The following ANKMY1 variants were observed in gnomAD, a reference collection of about 807,000 sequenced individuals.
The protein encoded by ANKMY1 is ankyrin repeat and MYND domain containing 1.
Under a neutral mutation model 102.0 loss-of-function variants are expected in ANKMY1, and 98 were observed. That is an observed-to-expected ratio of 0.96 (90% confidence interval 0.82 to 1.14). The LOEUF is 1.14. ANKMY1 is among the 50% of genes most tolerant of loss of function. ANKMY1 has a pLI of 0.00. For missense variants in ANKMY1, 1,330 were observed against 1,347.6 expected (o/e 0.99, Z 0.20); for synonymous variants, 582 against 559.9 (o/e 1.04, Z -0.56).
chr2:240,508,631 C>G (rs1443097199), intron 12 of ANKMY1, among the ~76,000 whole-genome samples: 1 of 152,198 alleles, frequency 6.6e-6, no homozygotes, highest in African/African-American at 2.4e-5. Flanking sequence ...TAGTTTATGG[C>G]CTGGCTCCTC....
chr2:240,482,410 T>C, intron 15 of ANKMY1, 149 bp from the exon 16 acceptor site: 1 of 666,274 alleles, frequency 1.5e-6, no homozygotes, highest in Non-Finnish European at 2.4e-6. Context: ...GGCTCCATAG[T>C]GGGTGCGAGG....
chr2:240,493,343 T>G (rs1426216761), intron 15 of ANKMY1, among the ~76,000 whole-genome samples: 1 of 152,174 alleles, frequency 6.6e-6, no homozygotes, highest in African/African-American at 2.4e-5. Flanking sequence ...AAAATTCTTT[T>G]TGGTTAAGAC....
chr2:240,526,973 T>G, intron 5 of ANKMY1: 1 of 1,026,456 alleles, frequency 9.7e-7, no homozygotes, highest in Non-Finnish European at 1.2e-6. Flanking sequence ...TAGATGCTTC[T>G]GTACCTAACA....
chr2:240,528,961 G>T, intron 5 of ANKMY1, 76 bp downstream of exon 5: 1 of 1,370,866 alleles, frequency 7.3e-7, no homozygotes, highest in Non-Finnish European at 1.0e-6. Context: ...GCAGCTGGCC[G>T]GGGACCTCAG....
chr2:240,554,706 A>G (rs926058674), intron 3 of ANKMY1, 160 bp downstream of exon 3: 25 of 823,946 alleles, frequency 3.0e-5, no homozygotes, highest in Non-Finnish European at 4.1e-5. Context: ...AAGTTGGGAA[A>G]GATGCTTTTC....
At chr2:240,477,638 C>T (rs186913647), downstream of ANKMY1, among the ~76,000 whole-genome samples, 25 of 152,310 alleles carry the variant, frequency 1.6e-4, no homozygotes, top group South Asian at 4.1e-4. Flanking sequence ...CCGCCTGCCT[C>T]GGCCTCCCAA....
intron 15 of ANKMY1, among the ~76,000 whole-genome samples, chr2:240,483,741 T>C (rs1025832664): frequency 6.6e-6 from 1 of 152,212 alleles, no homozygotes; most frequent in Non-Finnish European, 1.5e-5. Context: ...AACGTGCAGG[T>C]TTGTTACCTA....
chr2:240,560,580 G>A (rs936655776), upstream of ANKMY1: 4 of 1,316,498 alleles, frequency 3.0e-6, no homozygotes, highest in African/African-American at 6.2e-5. Context: ...AGGACCCGGG[G>A]GCGCCCGGCG....
chr2:240,526,603 G>T (rs7593034), intron 5 of ANKMY1, 158 bp from the exon 6 acceptor site: 1 of 1,462,126 alleles, frequency 6.8e-7, no homozygotes, highest in Non-Finnish European at 9.0e-7. Flanking sequence ...AGCTGCACCC[G>T]CAGCTGCTCA....
At chr2:240,474,350 AC>A in the ANKMY1 span, among the ~76,000 whole-genome samples, 10 of 132,626 alleles carry the variant, frequency 7.5e-5, no homozygotes, top group Non-Finnish European at 1.5e-4. Context: ...CTTGTGATCC[AC>A]CCGCCTCGGC....
rs990254022 is a variant in ANKMY1, at chr2:240,506,174, C to T, written c.2526+1386G>A. On this transcript the variant is annotated intron_variant, in intron 13 of 17. Transcript: ENST00000401804. The surrounding 1 kb of genome is among the most constrained non-coding windows in gnomAD (Gnocchi z 4.9). ...GGCGCTGGGAGCCCCCAACCCCGGA[C>T]GAAGGACTATTCTGTATGTTCAAGG... Among the ~76,000 whole-genome samples the T allele has an allele frequency of 7.9e-5, 12 of 152,146 alleles. No homozygotes were observed. Among genetic ancestry groups the T allele is most frequent in the African/African-American group, 2.7e-4 (11 of 41,428 alleles).
intron 9 of ANKMY1, among the ~76,000 whole-genome samples, chr2:240,515,265 G>A (rs113598357): frequency 0.035 from 5,270 of 152,272 alleles, 117 homozygotes; most frequent in South Asian, 0.077. Context: ...GGCTGGACGC[G>A]GTATCTCACA....
At position 240,536,336 on chromosome 2, in the gene ANKMY1, G is replaced by C. The variant is rs368509186; in HGVS notation, c.481-6827C>G. Among the ~76,000 whole-genome samples the C allele has an allele frequency of 3.3e-5, 5 of 151,870 alleles. No homozygotes were observed. In the East Asian group the frequency reaches 5.8e-4, roughly 18 times the overall value. ...ACTGGATAAGAAAATAGAATCAAAT[G>C]GCATGCTCAACTGAGCTGAAGGCTG... is the stretch of plus-strand genomic sequence containing the variant. On this transcript the variant is annotated intron_variant, in intron 4 of 17. Transcript: ENST00000401804.
intron 17 of ANKMY1, among the ~76,000 whole-genome samples, chr2:240,479,908 G>A (rs1163887502): frequency 6.6e-6 from 1 of 152,264 alleles, no homozygotes; most frequent in East Asian, 1.9e-4. Context: ...CACCGAGGGC[G>A]CCTGTTATTA....
At chr2:240,557,825 G>A in intron 1 of ANKMY1, 56 bp downstream of exon 1, 2 of 967,860 alleles carry the variant, frequency 2.1e-6, no homozygotes, top group African/African-American at 3.5e-5. Flanking sequence ...GCCGCCCCAC[G>A]GAGCTCCGGG....
chr2:240,530,018 G>A (rs1298686236), intron 4 of ANKMY1, among the ~76,000 whole-genome samples: 3 of 152,254 alleles, frequency 2.0e-5, no homozygotes, highest in South Asian at 2.1e-4. Context: ...AAAGGGAGGA[G>A]GGGAGGAGCA....
chr2:240,488,164 G>T (rs2076268657), intron 15 of ANKMY1, among the ~76,000 whole-genome samples: 1 of 152,140 alleles, frequency 6.6e-6, no homozygotes, highest in Non-Finnish European at 1.5e-5. Flanking sequence ...GAGAGATAAA[G>T]GTCCACTTTC....
At chr2:240,491,600 T>C (rs2076662844) in intron 15 of ANKMY1, among the ~76,000 whole-genome samples, 1 of 152,216 alleles carries the variant, frequency 6.6e-6, no homozygotes, top group Admixed American at 6.5e-5. Flanking sequence ...AGAACTGGTC[T>C]AGTAGTAATG....
At chr2:240,528,300 C>G (rs1033773180) in intron 5 of ANKMY1, among the ~76,000 whole-genome samples, 2 of 138,292 alleles carry the variant, frequency 1.4e-5, no homozygotes, top group African/African-American at 2.6e-5. Flanking sequence ...CCCACCCCCC[C>G]CCCAAAAAAA....
Sources: gnomAD v4.1 joint callset for allele counts (sites outside exome capture counted in the v4.1 genomes callset) on GRCh38, gnomAD v4.1.1 for gene constraint, Gnocchi (gnomAD v3.1) non-coding constraint, MANE v1.5 for transcripts, NCBI Gene and HGNC (gene_info 2026-07-23, HGNC 2026-07-21) for gene names.